SOX5: variants seen among roughly 807,000 people sequenced by gnomAD.
The protein encoded by SOX5 is SRY-box transcription factor 5.
In SOX5, 9 loss-of-function variants were observed where a neutral mutation model predicts 92.0. The ratio of observed to expected loss-of-function variants is 0.10; its 90% CI spans 0.06 to 0.17. The LOEUF (loss-of-function observed/expected upper bound fraction) is 0.17, where lower values mean the gene tolerates loss of function less well. Among genes scored for constraint, SOX5 ranks in the 10% least tolerant of loss-of-function variants. The pLI, the probability that SOX5 is intolerant of heterozygous loss-of-function variation, is 1.00. For missense variants in SOX5, 642 were observed against 944.5 expected, an observed-to-expected ratio of 0.68 and a Z score of 4.20; for synonymous variants, 344 against 336.3, an observed-to-expected ratio of 1.02 and a Z score of -0.25.
At chr12:23,712,152 C>T (rs1000748578) in intron 6 of SOX5, among the ~76,000 whole-genome samples, 1 of 152,154 alleles carries the variant, frequency 6.6e-6, no homozygotes. Context: ...TCAGCCACAA[C>T]TCTTAAATCA....
chr12:23,818,961 T>G (rs1001688716), intron 3 of SOX5, among the ~76,000 whole-genome samples: 1 of 152,178 alleles, frequency 6.6e-6, no homozygotes, highest in Non-Finnish European at 1.5e-5. Flanking sequence ...ATGATAACAA[T>G]GCCTTCTTCT....
chr12:23,622,907 A>T (rs2077350880), intron 8 of SOX5, among the ~76,000 whole-genome samples: 2 of 152,184 alleles, frequency 1.3e-5, no homozygotes, highest in Non-Finnish European at 2.9e-5. Flanking sequence ...ATAAAAAACA[A>T]ACTTTTGCCA....
intron 8 of SOX5, among the ~76,000 whole-genome samples, chr12:23,612,474 A>G (rs886121219): frequency 6.6e-6 from 1 of 152,154 alleles, no homozygotes; most frequent in Non-Finnish European, 1.5e-5. Context: ...ATAAACAAAT[A>G]TATAGACTTA....
At chr12:24,249,960 G>T (rs1415265434) in intron 3 of SOX5, among the ~76,000 whole-genome samples, 1 of 152,084 alleles carries the variant, frequency 6.6e-6, no homozygotes, top group Middle Eastern at 3.2e-3. Flanking sequence ...TAAACCACAA[G>T]AAAGCCCTGC....
intron 4 of SOX5, among the ~76,000 whole-genome samples, chr12:24,018,635 C>T (rs555309745): frequency 6.6e-6 from 1 of 151,828 alleles, no homozygotes; most frequent in African/African-American, 2.4e-5. Flanking sequence ...ACCAAAAATA[C>T]AAAATACAAA....
chr12:24,494,655 T>C (rs916598770), intron 1 of SOX5, among the ~76,000 whole-genome samples: 2 of 152,156 alleles, frequency 1.3e-5, no homozygotes, highest in Non-Finnish European at 2.9e-5. Flanking sequence ...CTGATGTAAA[T>C]GTTGTGTTTC....
intron 1 of SOX5, among the ~76,000 whole-genome samples, chr12:23,903,441 G>T (rs913332901): frequency 1.3e-5 from 2 of 152,102 alleles, no homozygotes; most frequent in African/African-American, 4.8e-5. Context: ...AAAATTAGCC[G>T]GGTATGATGG....
At chr12:24,307,870 G>A (rs1948772593) in intron 2 of SOX5, among the ~76,000 whole-genome samples, 1 of 152,250 alleles carries the variant, frequency 6.6e-6, no homozygotes, top group Non-Finnish European at 1.5e-5. Context: ...GTTATAGTAG[G>A]TAGCTAGTCA....
At chr12:24,254,543 T>C (rs1940792689) in intron 3 of SOX5, among the ~76,000 whole-genome samples, 1 of 152,074 alleles carries the variant, frequency 6.6e-6, no homozygotes. Context: ...AAGTGCTGAA[T>C]ATTTCATGTA....
intron 13 of SOX5, among the ~76,000 whole-genome samples, chr12:23,537,522 G>C (rs1248567060): frequency 6.6e-6 from 1 of 152,180 alleles, no homozygotes; most frequent in South Asian, 2.1e-4. Context: ...CTGTAAATGC[G>C]TATTACGATT....
intron 4 of SOX5, among the ~76,000 whole-genome samples, chr12:23,754,865 G>A (rs1377571231): frequency 2.6e-5 from 4 of 151,760 alleles, no homozygotes; most frequent in African/African-American, 7.2e-5. Flanking sequence ...TACCAAAAAT[G>A]TACACAGTAA....
At chr12:24,499,754 CTTT>C (rs35069628) in intron 1 of SOX5, among the ~76,000 whole-genome samples, 2,283 of 139,482 alleles carry the variant, frequency 0.016, 26 homozygotes, top group Middle Eastern at 0.057. Context: ...AAAAATCTGC[CTTT>C]TTTTTTTTTT....
chr12:24,474,282 C>A (rs1945116964), intron 1 of SOX5, among the ~76,000 whole-genome samples: 1 of 152,102 alleles, frequency 6.6e-6, no homozygotes, highest in South Asian at 2.1e-4. Context: ...TCAGACAAAA[C>A]CCCTTCTAGA....
At chr12:24,411,965 G>C (rs1289332771) in intron 1 of SOX5, among the ~76,000 whole-genome samples, 1 of 151,968 alleles carries the variant, frequency 6.6e-6, no homozygotes, top group East Asian at 1.9e-4. Flanking sequence ...CTGTTGTAAG[G>C]CTATTAAAAT....
chr12:24,011,973 C>T (rs191348679), intron 4 of SOX5, among the ~76,000 whole-genome samples: 2 of 152,238 alleles, frequency 1.3e-5, no homozygotes, highest in African/African-American at 4.8e-5. Context: ...TAGAATCACA[C>T]TCAGGTGAAC....
At chr12:23,600,384 A>G (rs901174029) in intron 9 of SOX5, among the ~76,000 whole-genome samples, 1 of 151,790 alleles carries the variant, frequency 6.6e-6, no homozygotes, top group African/African-American at 2.4e-5. Context: ...GGAACAAATT[A>G]AATAATTGCT....
At chr12:24,313,803 C>A (rs970011424) in intron 2 of SOX5, among the ~76,000 whole-genome samples, 1 of 152,156 alleles carries the variant, frequency 6.6e-6, no homozygotes, top group Non-Finnish European at 1.5e-5. Context: ...TTTTAGCCCA[C>A]GCTTCTGTTC....
chr12:24,361,634 C>T (rs570307152), intron 2 of SOX5, among the ~76,000 whole-genome samples: 21 of 150,890 alleles, frequency 1.4e-4, no homozygotes, highest in Non-Finnish European at 2.4e-4. Flanking sequence ...TGTGTGTGTG[C>T]GCATGTGTGT....
chr12:24,449,501 C>A (rs1941962628), intron 1 of SOX5, among the ~76,000 whole-genome samples: 1 of 152,202 alleles, frequency 6.6e-6, no homozygotes, highest in East Asian at 1.9e-4. Flanking sequence ...TAACTCTCTG[C>A]AGAGCAGTTA....
Sources: gnomAD v4.1 joint callset for allele counts (sites outside exome capture counted in the v4.1 genomes callset) on GRCh38, gnomAD v4.1.1 for gene constraint, MANE v1.5 for transcripts, NCBI Gene and HGNC (gene_info 2026-07-23, HGNC 2026-07-21) for gene names.